The following ANK2 variants were observed in gnomAD, a reference collection of about 807,000 sequenced individuals.
ANK2 encodes ankyrin-2.
A neutral mutation model predicts 360.5 loss-of-function variants in ANK2; 83 were observed. That is an observed-to-expected ratio of 0.23 (90% CI 0.19 to 0.28). The LOEUF (loss-of-function observed/expected upper bound fraction) is 0.28, where lower values mean the gene tolerates loss of function less well. Among genes scored for constraint, ANK2 ranks in the 10% least tolerant of loss-of-function variants. The pLI is 1.00. For synonymous variants in ANK2, 1,740 were observed against 1,759.5 expected (o/e 0.99, Z 0.28); for missense variants, 4,201 against 4,795.7 (o/e 0.88, Z 3.66).
At chr4:112,864,604 C>A in intron 1 of ANK2, among the ~76,000 whole-genome samples, 1 of 152,024 alleles carries the variant, frequency 6.6e-6, no homozygotes, top group Non-Finnish European at 1.5e-5. Context: ...GCCCCGGCGC[C>A]CGGCCGGTAA....
chr4:113,037,115 G>A (rs1030518080), intron 2 of ANK2, among the ~76,000 whole-genome samples: 2 of 151,968 alleles, frequency 1.3e-5, no homozygotes, highest in African/African-American at 4.8e-5. Context: ...CACAATCTAT[G>A]AGATTGTAGC....
chr4:113,016,477 C>G (rs2056661096), intron 2 of ANK2, among the ~76,000 whole-genome samples: 1 of 152,122 alleles, frequency 6.6e-6, no homozygotes, highest in African/African-American at 2.4e-5. Context: ...ACTCTGAGCC[C>G]TCCTGCCATC....
intron 2 of ANK2, among the ~76,000 whole-genome samples, chr4:113,022,949 C>T (rs796751487): frequency 6.6e-5 from 10 of 152,040 alleles, no homozygotes; most frequent in African/African-American, 2.4e-4. Flanking sequence ...AAATTGCACA[C>T]ACATAACTCT....
chr4:112,894,587 A>G (rs62317090), intron 1 of ANK2, among the ~76,000 whole-genome samples: 6,491 of 152,274 alleles, frequency 0.043, 209 homozygotes, highest in Non-Finnish European at 0.067. Flanking sequence ...GTGCTGTAGA[A>G]TGTTCCACAA....
intron 22 of ANK2, among the ~76,000 whole-genome samples, chr4:113,300,190 T>G (rs184592292): frequency 6.6e-6 from 1 of 152,320 alleles, no homozygotes; most frequent in Admixed American, 6.5e-5. Flanking sequence ...CAGCATTTAG[T>G]TTGCTTTCAG....
rs2149988092 is a variant in ANK2, at chr4:112,852,557, G to T, written c.-40+34293G>T. On this transcript the variant is annotated intron_variant, in intron 1 of 30. Coordinates refer to the ANK2 transcript ENST00000503271. ...TGACTTGATCAATAGAGAATCTTAGGATAGTATGAATTATTTAATATGTTT... is the reference window on the plus strand; with the variant it reads ...TGACTTGATCAATAGAGAATCTTAGTATAGTATGAATTATTTAATATGTTT... Among the ~76,000 whole-genome samples, 2 of 152,232 alleles carry T rather than the reference G, an allele frequency of 1.3e-5. 1 individual carries two copies.
intron 24 of ANK2, among the ~76,000 whole-genome samples, chr4:113,312,105 T>C (rs902315508): frequency 6.6e-6 from 1 of 152,080 alleles, no homozygotes; most frequent in Non-Finnish European, 1.5e-5. Flanking sequence ...TGGTTCCTCA[T>C]TGAAATTATG....
intron 1 of ANK2, chr4:112,881,678 T>C (rs1165505734): frequency 2.1e-6 from 1 of 473,442 alleles, no homozygotes; most frequent in African/African-American, 2.0e-5. Flanking sequence ...AAAATACAAT[T>C]AGTCACAAAC....
At chr4:113,100,991 A>G (rs1228311985) in intron 1 of ANK2, among the ~76,000 whole-genome samples, 4 of 152,116 alleles carry the variant, frequency 2.6e-5, no homozygotes, top group Non-Finnish European at 5.9e-5. Flanking sequence ...GAAGTGATGA[A>G]TAGATGAAGC....
chr4:113,347,423 C>T (rs565816834), intron 35 of ANK2, among the ~76,000 whole-genome samples: 15 of 152,136 alleles, frequency 9.9e-5, no homozygotes, highest in South Asian at 4.1e-4. Flanking sequence ...CCAATAAGAA[C>T]GACAAAGAAA....
chr4:113,104,346 T>A (rs1181669320), intron 1 of ANK2, among the ~76,000 whole-genome samples: 1 of 152,172 alleles, frequency 6.6e-6, no homozygotes, highest in African/African-American at 2.4e-5. Context: ...TAAAAAACCT[T>A]ATTATCACAA....
the ANK2 span, among the ~76,000 whole-genome samples, chr4:112,764,033 T>G: frequency 6.6e-6 from 1 of 152,074 alleles, no homozygotes; most frequent in Non-Finnish European, 1.5e-5. Context: ...AACCTCCGCC[T>G]CCCTGGTTCA....
chr4:112,756,780 C>G, the ANK2 span, among the ~76,000 whole-genome samples: 1 of 152,146 alleles, frequency 6.6e-6, no homozygotes, highest in African/African-American at 2.4e-5. Context: ...CGAGACCAGC[C>G]TGGCCAACAT....
At chr4:113,376,371 T>A (rs1045687615) in intron 45 of ANK2, among the ~76,000 whole-genome samples, 1 of 152,148 alleles carries the variant, frequency 6.6e-6, no homozygotes, top group African/African-American at 2.4e-5. Flanking sequence ...GTACAGTAGA[T>A]AAACAAAATA....
chr4:113,343,276 AC>A, intron 34 of ANK2, 134 bp downstream of exon 34: 1 of 971,486 alleles, frequency 1.0e-6, no homozygotes, highest in Non-Finnish European at 1.5e-6. Context: ...GTAACGTTTT[AC>A]AGCCCTGGGA....
chr4:112,827,235 A>G (rs1326305612), intron 1 of ANK2: 1 of 1,070,578 alleles, frequency 9.3e-7, no homozygotes, highest in Non-Finnish European at 1.5e-6. Flanking sequence ...AGAAGCAGAG[A>G]AAGGATTTAG....
chr4:113,068,137 A>G (rs2076270912), intron 1 of ANK2, among the ~76,000 whole-genome samples: 2 of 152,298 alleles, frequency 1.3e-5, no homozygotes, highest in South Asian at 2.1e-4. Flanking sequence ...GGAAAGATGT[A>G]GGTTGATAGC....
At chr4:113,094,158 A>T (rs1025849094) in intron 1 of ANK2, among the ~76,000 whole-genome samples, 24 of 152,316 alleles carry the variant, frequency 1.6e-4, no homozygotes, top group Admixed American at 1.6e-3. Context: ...TCGGATGTTG[A>T]TGTGAATGCA....
intron 1 of ANK2, among the ~76,000 whole-genome samples, chr4:112,831,198 G>T (rs1473948606): frequency 6.6e-6 from 1 of 152,240 alleles, no homozygotes; most frequent in African/African-American, 2.4e-5. Flanking sequence ...GCGGGCACGC[G>T]GCGTGGGACT....
Sources: allele counts gnomAD v4.1 joint callset (sites outside exome capture counted in the v4.1 genomes callset), GRCh38; gene constraint gnomAD v4.1.1; transcripts MANE v1.5; gene names NCBI Gene and HGNC (gene_info 2026-07-23, HGNC 2026-07-21).